The following KMT2C variants were observed in gnomAD, a reference collection of about 807,000 sequenced individuals.
The protein encoded by KMT2C is lysine methyltransferase 2C, also known as histone-lysine N-methyltransferase 2C.
In KMT2C, 88 loss-of-function variants were observed where a neutral mutation model predicts 507.9. The ratio of observed to expected loss-of-function variants is 0.17; its 90% CI spans 0.15 to 0.21. The LOEUF is 0.21. Among genes scored for constraint, KMT2C ranks in the 10% least tolerant of loss-of-function variants. The pLI is 1.00. For synonymous variants in KMT2C, 2,049 were observed against 2,080.8 expected (o/e 0.98, Z 0.42); for missense variants, 4,954 against 5,957.8 (o/e 0.83, Z 5.55).
intron 43 of KMT2C, 118 bp downstream of exon 43, chr7:152,161,999 G>A (rs770540954): frequency 6.0e-6 from 7 of 1,175,244 alleles, no homozygotes; most frequent in Non-Finnish European, 7.7e-6. Context: ...ATAAAAAATG[G>A]TCCTTTAGAA....
At chr7:152,159,123 T>G in intron 43 of KMT2C, 51 bp from the exon 44 acceptor site, 2 of 1,542,488 alleles carry the variant, frequency 1.3e-6, no homozygotes, top group Non-Finnish European at 1.8e-6. Context: ...GCATATTTGG[T>G]TTTTAGTTCA....
chr7:152,264,329 C>CATT (rs1276932512), intron 8 of KMT2C, among the ~76,000 whole-genome samples: 1 of 152,172 alleles, frequency 6.6e-6, no homozygotes, highest in Non-Finnish European at 1.5e-5. Flanking sequence ...AATGAAGATA[C>CATT]TGGTAACATC....
chr7:152,187,941 C>T, intron 31 of KMT2C, 94 bp from the exon 32 acceptor site: 1 of 1,127,654 alleles, frequency 8.9e-7, no homozygotes, highest in South Asian at 1.4e-5. Context: ...TTTTTAACTG[C>T]ATGGGTCCAC....
chr7:152,151,610 T>A (rs1479974181), intron 49 of KMT2C, 29 bp from the exon 50 acceptor site: 1 of 1,602,286 alleles, frequency 6.2e-7, no homozygotes, highest in Admixed American at 1.7e-5. Flanking sequence ...TGTTAGTAAT[T>A]AAAACTGACT....
chr7:152,157,125 T>A (rs1164833597), intron 44 of KMT2C, among the ~76,000 whole-genome samples: 1 of 151,836 alleles, frequency 6.6e-6, no homozygotes. Context: ...ACTTGCTCTG[T>A]CACCCAAGCT....
At chr7:152,255,157 A>ATATATATATATATATG (rs767823858) in intron 9 of KMT2C, among the ~76,000 whole-genome samples, 12 of 128,372 alleles carry the variant, frequency 9.3e-5, no homozygotes, top group South Asian at 2.4e-4. Context: ...ATATATATAT[A>ATATATATATATATATG]TGTGTGTGTG....
intron 26 of KMT2C, among the ~76,000 whole-genome samples, chr7:152,202,278 A>C (rs1477047703): frequency 6.6e-6 from 1 of 152,200 alleles, no homozygotes; most frequent in African/African-American, 2.4e-5. Context: ...AATTAGTTAG[A>C]TGCAGAGCCA....
chr7:152,392,552 G>A (rs2097507214), intron 1 of KMT2C, among the ~76,000 whole-genome samples: 1 of 152,184 alleles, frequency 6.6e-6, no homozygotes, highest in South Asian at 2.1e-4. Flanking sequence ...ACTGTGCTCA[G>A]CATTCCACAT....
chr7:152,167,772 T>C (rs1013656686), intron 41 of KMT2C, among the ~76,000 whole-genome samples: 1 of 152,150 alleles, frequency 6.6e-6, no homozygotes, highest in Non-Finnish European at 1.5e-5. Context: ...CAAAGACATA[T>C]CCCATTAAGG....
chr7:152,333,186 G>A (rs1007063642), intron 2 of KMT2C, among the ~76,000 whole-genome samples: 9 of 152,086 alleles, frequency 5.9e-5, no homozygotes, highest in Non-Finnish European at 7.4e-5. Flanking sequence ...TCACTCTGTC[G>A]CCCATGCTGG....
At chr7:152,164,258 G>A (rs1208157515) in intron 42 of KMT2C, among the ~76,000 whole-genome samples, 5 of 151,730 alleles carry the variant, frequency 3.3e-5, no homozygotes, top group African/African-American at 1.2e-4. Context: ...TAAATGTTAA[G>A]ATTTCATTTC....
chr7:152,147,724 A>AAAAAAAAAAAAAAAAAAG (rs2091271006), intron 52 of KMT2C, among the ~76,000 whole-genome samples: 1 of 130,588 alleles, frequency 7.7e-6, no homozygotes, highest in African/African-American at 3.2e-5. Context: ...AAAAAAAAAA[A>AAAAAAAAAAAAAAAAAAG]AAAAGAAAAA....
At position 152,202,424 on chromosome 7, in the gene KMT2C, C is replaced by T. The variant is rs6948202; in HGVS notation, c.4092+510G>A. Among the ~76,000 whole-genome samples the T allele has an allele frequency of 7.8e-3, 1,193 of 152,202 alleles. 20 individuals carry two copies. The highest frequency in any genetic ancestry group is 0.028 in the African/African-American group (1,150 of 41,532). ...CTACATCTATCAAACATAATTTATT[C>T]GTACTGAAAGGTATTTTTCTGATGT... On this transcript the variant is annotated intron_variant, in intron 26 of 58. Coordinates refer to ENST00000262189, the MANE Select transcript of KMT2C (RefSeq NM_170606.3).
intron 3 of KMT2C, among the ~76,000 whole-genome samples, chr7:152,318,079 A>C (rs2096737950): frequency 6.6e-6 from 1 of 152,074 alleles, no homozygotes; most frequent in South Asian, 2.1e-4. Context: ...CGGAGGTTGC[A>C]ATGAACTGAG....
chr7:152,356,283 A>G (rs965038245), intron 2 of KMT2C, among the ~76,000 whole-genome samples: 1 of 152,226 alleles, frequency 6.6e-6, no homozygotes, highest in Non-Finnish European at 1.5e-5. Flanking sequence ...ATCATCTTCA[A>G]TAATCAAAGG....
chr7:152,425,292 A>G (rs992283800), intron 1 of KMT2C, among the ~76,000 whole-genome samples: 4 of 152,140 alleles, frequency 2.6e-5, no homozygotes, highest in African/African-American at 9.7e-5. Flanking sequence ...AGAAACACTT[A>G]GGGCCAGGCA....
chr7:152,365,236 T>A (rs2097232147), intron 1 of KMT2C, among the ~76,000 whole-genome samples: 1 of 152,118 alleles, frequency 6.6e-6, no homozygotes, highest in Non-Finnish European at 1.5e-5. Flanking sequence ...GTAGGCTGGG[T>A]GCAGTGGCTC....
intron 43 of KMT2C, 63 bp from the exon 44 acceptor site, chr7:152,159,135 G>T: frequency 7.4e-7 from 1 of 1,360,016 alleles, no homozygotes; most frequent in Non-Finnish European, 1.0e-6. Flanking sequence ...TTTAGTTCAT[G>T]CAGTGCCAAG....
intron 31 of KMT2C, among the ~76,000 whole-genome samples, chr7:152,191,569 A>T (rs1265885339): frequency 6.6e-6 from 1 of 152,122 alleles, no homozygotes; most frequent in Non-Finnish European, 1.5e-5. Context: ...TCTCGTCCCA[A>T]ATTTATTCCC....
Sources: allele counts gnomAD v4.1 joint callset (sites outside exome capture counted in the v4.1 genomes callset), GRCh38; gene constraint gnomAD v4.1.1; transcripts MANE v1.5; gene names NCBI Gene and HGNC (gene_info 2026-07-23, HGNC 2026-07-21).